The following COG4 variants were observed in gnomAD, a reference collection of about 807,000 sequenced individuals.
COG4 encodes the protein component of oligomeric golgi complex 4.
In COG4, 65 loss-of-function variants were observed where a neutral mutation model predicts 95.1. That is an observed-to-expected ratio of 0.68 (90% CI 0.56 to 0.84). The LOEUF is 0.84. Ranked by LOEUF, COG4 falls within the 40% of genes least tolerant of loss-of-function variation. The pLI is 0.00. For missense variants in COG4, 1,045 were observed against 989.1 expected (o/e 1.06, Z -0.76); for synonymous variants, 421 against 374.8 (o/e 1.12, Z -1.42).
At chr16:70,498,405 C>T (rs369959002) in intron 9 of COG4, among the ~76,000 whole-genome samples, 4 of 151,958 alleles carry the variant, frequency 2.6e-5, no homozygotes, top group South Asian at 2.1e-4. Flanking sequence ...CTTGGCTCAC[C>T]GCAACCCCTG....
chr16:70,498,066 G>A lies in COG4; in HGVS notation c.1196-11C>T, dbSNP rs912897730. On this transcript the variant is annotated splice_polypyrimidine_tract_variant and intron_variant, in intron 9 of 18. Coordinates refer to ENST00000323786, the MANE Select transcript of COG4 (RefSeq NM_015386.3). ...GACACTTCTGGTGCTCTAGGGGACA[G>A]CCAAGAAAGGAATACTCATTTTTTT... The A allele has an allele frequency of 2.6e-6, 4 of 1,546,286 alleles. No individual in the cohort carries two copies. Among genetic ancestry groups the A allele is most frequent in the Non-Finnish European group, 3.6e-6 (4 of 1,118,184 alleles).
rs747877138 is a variant in COG4, at chr16:70,509,964, G to A, written c.796C>T (p.Arg266Trp). The A allele has an allele frequency of 5.0e-6, 8 of 1,613,934 alleles. No individual in the cohort carries two copies. The highest frequency in any genetic ancestry group is 2.2e-5 in the South Asian group (2 of 91,068). ...LMVLGTDMSD[R>W]RAAVIFADTL... ...TCTGCAAAGATGACTGCAGCTCTCC[G>A]ATCACTCATGTCTGTCCCCAGCACC... The change falls in exon 6 of 19, where the codon CGG becomes TGG. Residue 266 changes from arginine (R) to tryptophan (W), a missense_variant. Physicochemically the swap from Arg to Trp is moderately radical, Grantham distance 101 (BLOSUM62 -3). Transcript: ENST00000323786.
intron 8 of COG4, among the ~76,000 whole-genome samples, chr16:70,504,409 C>T (rs552956110): frequency 2.3e-4 from 35 of 151,976 alleles, no homozygotes; most frequent in Middle Eastern, 3.4e-3. Context: ...GAGTTCAAGA[C>T]CTGCCTAGAC....
chr16:70,514,653 T>C (rs2049786280), intron 3 of COG4, 144 bp from the exon 4 acceptor site: 6 of 709,786 alleles, frequency 8.5e-6, no homozygotes, highest in Admixed American at 8.1e-5. Flanking sequence ...TTAACGCAAC[T>C]GTTATTGATG....
At chr16:70,495,456 G>C (rs561867246) in intron 12 of COG4, among the ~76,000 whole-genome samples, 12 of 151,506 alleles carry the variant, frequency 7.9e-5, no homozygotes, top group African/African-American at 2.7e-4. Flanking sequence ...ACCCAAAAAT[G>C]CATGTGAACA....
chr16:70,507,289 G>A (rs188833940), intron 8 of COG4, among the ~76,000 whole-genome samples: 57 of 151,874 alleles, frequency 3.8e-4, no homozygotes, highest in Non-Finnish European at 3.2e-4. Flanking sequence ...AAACTGTATC[G>A]GTATACACAA....
At chr16:70,500,208 G>A (rs1024988406) in intron 9 of COG4, among the ~76,000 whole-genome samples, 13 of 151,492 alleles carry the variant, frequency 8.6e-5, no homozygotes, top group Admixed American at 3.3e-4. Context: ...GAGCTCAAGC[G>A]ATTCTCCTGC....
chr16:70,498,120 C>G (rs1442414588), intron 9 of COG4, 65 bp from the exon 10 acceptor site: 2 of 980,958 alleles, frequency 2.0e-6, no homozygotes, highest in South Asian at 2.6e-5. Flanking sequence ...CAACTTTTTT[C>G]ATTTTTTCAG....
intron 8 of COG4, among the ~76,000 whole-genome samples, chr16:70,503,595 CTTTTTT>C (rs67706790): frequency 3.2e-4 from 40 of 125,694 alleles, no homozygotes; most frequent in East Asian, 2.1e-3. Context: ...CCTACTTACT[CTTTTTT>C]TTTTTTTTTT....
At chr16:70,502,758 G>A (rs535257318) in intron 8 of COG4, among the ~76,000 whole-genome samples, 1 of 152,106 alleles carries the variant, frequency 6.6e-6, no homozygotes, top group African/African-American at 2.4e-5. Context: ...TACAAAGTTG[G>A]AGGAATCCCA....
rs370900965 is a variant in COG4, at chr16:70,522,322, C to A, written c.171+1051G>T. On this transcript the variant is annotated intron_variant, in intron 1 of 18. Transcript: ENST00000323786. ...ATACTAAATTTTAAAACACATCTTG[C>A]TGAGGCCAGACAAAAAAAGCCCCAC... Among the ~76,000 whole-genome samples the A allele has an allele frequency of 3.2e-4, 48 of 152,300 alleles. No homozygotes were observed. The South Asian group carries it at 1.0e-2, about 32-fold the overall frequency.
chr16:70,509,954 G>A lies in COG4; in HGVS notation c.806C>T (p.Ala269Val). 2 of 1,613,890 alleles carry A rather than the reference G, an allele frequency of 1.2e-6. No individual in the cohort carries two copies. The highest frequency in any genetic ancestry group is 1.7e-6 in the Non-Finnish European group (2 of 1,179,882). The change falls in exon 6 of 19, where the codon GCA (alanine) becomes GTA (valine). Residue 269 changes from alanine (A) to valine (V), a missense_variant. Ala to Val is a moderately conservative substitution (Grantham distance 64, BLOSUM62 0). Transcript: ENST00000323786. Reference protein sequence around the residue: ...LGTDMSDRRAAVIFADTLTLL... With the variant: ...LGTDMSDRRAVVIFADTLTLL... ...AGTAAGTGTATCTGCAAAGATGACTGCAGCTCTCCGATCACTCATGTCTGT... is the reference window on the plus strand; with the variant it reads ...AGTAAGTGTATCTGCAAAGATGACTACAGCTCTCCGATCACTCATGTCTGT...
In COG4 at chr16:70,497,310, C is replaced by A; in HGVS notation, c.1392G>T (p.Lys464Asn). Residue 464 changes from lysine to asparagine, a missense_variant, in exon 11 of 19, where the codon AAG becomes AAT. By Grantham distance (94) the Lys-to-Asn change is moderately conservative (BLOSUM62 0). Transcript: ENST00000323786. ...MVDDVFYIVK[K>N]CIGRALSSSS... The stretch of plus-strand genomic sequence containing the variant: ...AGCTGGACAGAGCCCGCCCAATGCA[C>A]TTCTTAACAATGTAGAAGACATCAT... The A allele has an allele frequency of 6.2e-7, 1 of 1,614,140 alleles. No individual in the cohort carries two copies. Among genetic ancestry groups the A allele is most frequent in the Non-Finnish European group, 8.5e-7 (1 of 1,180,034 alleles).
chr16:70,519,640 CAG>C lies in COG4; in HGVS notation c.254+7_254+8del, dbSNP rs1162355019. On this transcript the variant is annotated splice_region_variant and intron_variant, in intron 2 of 18. Coordinates refer to ENST00000323786, the MANE Select transcript of COG4 (RefSeq NM_015386.3). ...TTACATTAGCTCTTGCTGAGATGCACAGACTCACCCCATTCGGTGGAGAGTGA... is the reference window on the plus strand; with the variant it reads ...TTACATTAGCTCTTGCTGAGATGCACACTCACCCCATTCGGTGGAGAGTGA... The C allele has an allele frequency of 1.9e-6, 3 of 1,604,462 alleles. No individual in the cohort carries two copies. Among genetic ancestry groups the C allele is most frequent in the Admixed American group, 1.7e-5 (1 of 59,980 alleles).
At chr16:70,509,514 A>G (rs1157931513) in intron 6 of COG4, 126 bp from the exon 7 acceptor site, 4 of 1,052,202 alleles carry the variant, frequency 3.8e-6, no homozygotes, top group Non-Finnish European at 5.7e-6. Context: ...TAAAATGAAC[A>G]CAAATAGGCC....
chr16:70,489,227 T>C (rs2049195226), intron 13 of COG4, among the ~76,000 whole-genome samples: 1 of 152,048 alleles, frequency 6.6e-6, no homozygotes, highest in Non-Finnish European at 1.5e-5. Context: ...CTGATTTTTT[T>C]TTTTTTTTTG....
In COG4 at chr16:70,481,491, CAGG is replaced by C; in HGVS notation, c.2107-7_2107-5del. 1.2e-6 allele frequency: 2 copies of C among 1,611,298 alleles called. No homozygotes were observed. Among genetic ancestry groups the C allele is most frequent in the Non-Finnish European group, 1.7e-6 (2 of 1,180,006 alleles). On this transcript the variant is annotated splice_region_variant and splice_polypyrimidine_tract_variant and intron_variant, in intron 17 of 18. Transcript: ENST00000323786. ...TGTCAAACTGCAGACCACCCAGCTG[CAGG>C]AGAACCCAAGCCCAGTCACTACTTA... is the stretch of plus-strand genomic sequence containing the variant.
chr16:70,514,900 G>GCAGGGTTT (rs748836307), intron 3 of COG4, among the ~76,000 whole-genome samples: 9 of 151,756 alleles, frequency 5.9e-5, no homozygotes, highest in Non-Finnish European at 1.3e-4. Context: ...TTTTGTAGAG[G>GCAGGGTTT]CAGGGTTTCA....
chr16:70,513,589 T>A (rs955760104), intron 4 of COG4, among the ~76,000 whole-genome samples: 1 of 152,184 alleles, frequency 6.6e-6, no homozygotes, highest in African/African-American at 2.4e-5. Context: ...TAATAAGATA[T>A]AACAACATAC....
Sources: allele counts gnomAD v4.1 joint callset (sites outside exome capture counted in the v4.1 genomes callset), GRCh38; gene constraint gnomAD v4.1.1; transcripts MANE v1.5; gene names NCBI Gene and HGNC (gene_info 2026-07-23, HGNC 2026-07-21).